MEGF8: variants seen among roughly 807,000 people sequenced by gnomAD.
The protein encoded by MEGF8 is multiple epidermal growth factor-like domains protein 8.
MEGF8 carries 156 observed loss-of-function variants against 302.9 expected under a neutral mutation model. The ratio of observed to expected loss-of-function variants is 0.52; its 90% CI spans 0.45 to 0.59. The LOEUF (loss-of-function observed/expected upper bound fraction) is 0.59, where lower values mean the gene tolerates loss of function less well. MEGF8 is among the 20% of genes least tolerant of loss of function. The pLI, the probability that MEGF8 is intolerant of heterozygous loss-of-function variation, is 0.00. For synonymous variants in MEGF8, 1,621 were observed against 1,660.5 expected, an observed-to-expected ratio of 0.98 and a Z score of 0.58; for missense variants, 3,345 against 3,964.5, an observed-to-expected ratio of 0.84 and a Z score of 4.20.
Position 42,368,360 on chromosome 19 carries a change from GGGTGTGGTCTGGGAAGATA to G in MEGF8, c.6274-94_6274-76del. The G allele has an allele frequency of 1.8e-6, 2 of 1,110,384 alleles. No individual in the cohort carries two copies. Among genetic ancestry groups the G allele is most frequent in the Non-Finnish European group, 2.5e-6 (2 of 784,886 alleles). The allele number at this position is 1,110,384 out of a possible 1,614,324, so 68.8% of individuals were successfully genotyped here. ...CCAGGGAGGGGTGAGACCTCAAAGAGGGTGTGGTCTGGGAAGATACCCAGAATGTGTTTGTTTAAGCTTA... is the reference window on the plus strand; with the variant it reads ...CCAGGGAGGGGTGAGACCTCAAAGAGCCCAGAATGTGTTTGTTTAAGCTTA... On this transcript the variant is annotated intron_variant, in intron 35 of 41. Transcript: ENST00000251268. This position sits in a 1 kb window ranked among gnomAD's most constrained non-coding sequence, Gnocchi z 4.9.
rs535691076 is a variant in MEGF8, at chr19:42,350,114, C to T, written c.2500-34C>T. 3 of 1,562,550 alleles carry T rather than the reference C, an allele frequency of 1.9e-6. No individual in the cohort carries two copies. In the East Asian group the frequency reaches 6.8e-5, roughly 35 times the overall value. ...CCAGACTCTGACCCCTGCCCCAGACCTTGACTGCTGCCTTCCTGTGACCCC... is the reference window on the plus strand; with the variant it reads ...CCAGACTCTGACCCCTGCCCCAGACTTTGACTGCTGCCTTCCTGTGACCCC... On this transcript the variant is annotated intron_variant, in intron 14 of 41. Coordinates refer to ENST00000251268, the MANE Select transcript of MEGF8 (RefSeq NM_001271938.2).
At chr19:42,333,140 C>G (rs1044214518) in intron 1 of MEGF8, among the ~76,000 whole-genome samples, 4 of 152,202 alleles carry the variant, frequency 2.6e-5, no homozygotes, top group Non-Finnish European at 5.9e-5. Context: ...TCTTGCAGCT[C>G]TATTCAGCGT....
rs2039469311 is a variant in MEGF8, at chr19:42,357,492, C to T, written c.4919C>T (p.Ser1640Phe). ...GLSLLLVGGY[S>F]PENGFNQQLL... ...TCTCTGCTCCTGGTGGGCGGTTACT[C>T]CCCGGAAAATGGCTTCAACCAGCAG... The change falls in exon 28 of 42, where the codon TCC becomes TTC. Residue 1640 changes from serine to phenylalanine, a missense_variant. Coordinates refer to ENST00000251268, the MANE Select transcript of MEGF8 (RefSeq NM_001271938.2). This position sits in a 1 kb window ranked among gnomAD's most constrained non-coding sequence, Gnocchi z 5.2. 1.2e-6 allele frequency: 2 copies of T among 1,613,694 alleles called. No homozygotes were observed. Among genetic ancestry groups the T allele is most frequent in the Non-Finnish European group, 1.7e-6 (2 of 1,179,824 alleles).
In MEGF8 at chr19:42,352,592, C is replaced by CACACTA. The variant is rs2039392553; in HGVS notation, c.3350+137_3350+142dup. 7 of 1,136,272 alleles carry CACACTA rather than the reference C, an allele frequency of 6.2e-6. No homozygotes were observed. The highest frequency in any genetic ancestry group is 7.3e-6 in the Non-Finnish European group (6 of 818,272). 70.4% of individuals were successfully genotyped at this position (1,136,272 alleles called of 1,614,324 possible). On this transcript the variant is annotated intron_variant, in intron 19 of 41. Coordinates refer to ENST00000251268, the MANE Select transcript of MEGF8 (RefSeq NM_001271938.2). The surrounding 1 kb of genome is among the most constrained non-coding windows in gnomAD (Gnocchi z 4.4). ...CAGTTAGCCAGGGGTTTTTACCTTG[C>CACACTA]ACACTAGGTCCTTATTAGAGTGACA...
chr19:42,350,459 C>A, intron 15 of MEGF8, 75 bp downstream of exon 15: 1 of 1,336,536 alleles, frequency 7.5e-7, no homozygotes, highest in Non-Finnish European at 9.9e-7. Flanking sequence ...AAGGGAACCC[C>A]TGGTGGGGGG....
Position 42,343,492 on chromosome 19 carries a change from C to G in MEGF8, c.1529C>G (p.Pro510Arg). 6.2e-7 allele frequency: 1 copy of G among 1,604,234 alleles called. No homozygotes were observed. Among genetic ancestry groups the G allele is most frequent in the Non-Finnish European group, 8.5e-7 (1 of 1,172,460 alleles). ...ATTCCCCTAGGCCGAGCAGCGCCTC[C>G]CAGTGGTCGGTACTCACATGTAGCT... ...PGTPEGRAAP[P>R]SGRYSHVAAV... Residue 510 changes from proline to arginine, a missense_variant, in exon 9 of 42, where the codon CCC becomes CGC. Coordinates refer to ENST00000251268, the MANE Select transcript of MEGF8 (RefSeq NM_001271938.2).
intron 13 of MEGF8, among the ~76,000 whole-genome samples, chr19:42,348,929 G>C (rs937232154): frequency 2.0e-5 from 3 of 152,132 alleles, no homozygotes; most frequent in African/African-American, 7.2e-5. Context: ...GAGGAGGGAG[G>C]GTGCTGAGGT....
rs2039636626 is a variant in MEGF8 at position 42,368,384 on chromosome 19, G to A, written c.6274-71G>A. 4.4e-6 allele frequency: 6 copies of A among 1,350,334 alleles called. No individual in the cohort carries two copies. Among genetic ancestry groups the A allele is most frequent in the South Asian group, 2.8e-5 (2 of 70,706 alleles). 83.6% of individuals were successfully genotyped at this position (1,350,334 alleles called of 1,614,324 possible). On this transcript the variant is annotated intron_variant, in intron 35 of 41. Transcript: ENST00000251268. The surrounding 1 kb of genome is among the most constrained non-coding windows in gnomAD (Gnocchi z 4.9). ...AGGGTGTGGTCTGGGAAGATACCCA[G>A]AATGTGTTTGTTTAAGCTTATTTCC...
chr19:42,358,248 T>A lies in MEGF8; in HGVS notation c.5116T>A (p.Tyr1706Asn), dbSNP rs776927604. 1.2e-6 allele frequency: 2 copies of A among 1,605,524 alleles called. No individual in the cohort carries two copies. Among genetic ancestry groups the A allele is most frequent in the Non-Finnish European group, 1.7e-6 (2 of 1,176,476 alleles). The change falls in exon 29 of 42, where the codon TAC becomes AAC. Residue 1706 changes from tyrosine to asparagine, a missense_variant. Coordinates refer to ENST00000251268, the MANE Select transcript of MEGF8 (RefSeq NM_001271938.2). The surrounding 1 kb of genome is among the most constrained non-coding windows in gnomAD (Gnocchi z 4.4). Reference protein sequence around the residue: ...VELAAPSPELYSLHCPDRTWS... With the variant: ...VELAAPSPELNSLHCPDRTWS... ...GCTGGCGGCCCCATCCCCCGAGCTC[T>A]ACTCCCTGCACTGTCCTGACCGCAC...
rs1171696797 is a variant in MEGF8 at position 42,358,527 on chromosome 19, C to A, written c.5175+220C>A. The stretch of plus-strand genomic sequence containing the variant: ...GAGGCATGAGTTCTGCCCAGCTCTC[C>A]CCTGAGTCTTGGTGCGGCCCTGGCA... On this transcript the variant is annotated intron_variant, in intron 29 of 41. Coordinates refer to ENST00000251268, the MANE Select transcript of MEGF8 (RefSeq NM_001271938.2). The surrounding 1 kb of genome is among the most constrained non-coding windows in gnomAD (Gnocchi z 4.4). 1.3e-5 allele frequency among the ~76,000 whole-genome samples: 2 copies of A among 152,182 alleles called. No homozygotes were observed. The highest frequency in any genetic ancestry group is 2.9e-5 in the Non-Finnish European group (2 of 68,028).
Position 42,360,999 on chromosome 19 carries a change from G to T in MEGF8, c.5713G>T (p.Ala1905Ser). Residue 1905 changes from alanine to serine, a missense_variant, in exon 32 of 42, where the codon GCC (alanine) becomes TCC (serine). Physicochemically the swap from Ala to Ser is moderately conservative, Grantham distance 99. Coordinates refer to ENST00000251268, the MANE Select transcript of MEGF8 (RefSeq NM_001271938.2). ...TGGGGCCTGCTTGTCCGGGGATCAG[G>T]CCCACAGGTAACCATGGCGACCATG... ...CHGACLSGDQ[A>S]HRLGCGGSPC... 6.5e-7 allele frequency: 1 copy of T among 1,548,138 alleles called. No homozygotes were observed. The highest frequency in any genetic ancestry group is 8.7e-7 in the Non-Finnish European group (1 of 1,146,370).
chr19:42,346,603 G>T (rs1250297753), intron 12 of MEGF8, among the ~76,000 whole-genome samples: 1 of 151,990 alleles, frequency 6.6e-6, no homozygotes, highest in Non-Finnish European at 1.5e-5. Context: ...CTTGAGCCTG[G>T]GAGGCAGAGG....
chr19:42,376,728 C>A lies in MEGF8; in HGVS notation c.8491C>A (p.Arg2831=). ...CAGTGGGCATGGGACTGGTGCGGGC[C>A]GGAAGGGACTGTTGAGCCAGGACAA... is the stretch of plus-strand genomic sequence containing the variant. ...GGSGHGTGAG[R]KGLLSQDNLT... The change falls in exon 42 of 42, where the codon CGG becomes AGG. Residue 2831 remains arginine, a synonymous_variant. Coordinates refer to ENST00000251268, the MANE Select transcript of MEGF8 (RefSeq NM_001271938.2). This position sits in a 1 kb window ranked among gnomAD's most constrained non-coding sequence, Gnocchi z 8.2. 1 of 1,481,652 alleles carries A rather than the reference C, an allele frequency of 6.7e-7. No homozygotes were observed. 91.8% of individuals were successfully genotyped at this position (1,481,652 alleles called of 1,614,324 possible).
At chr19:42,328,663 C>T (rs991526290) in intron 1 of MEGF8, among the ~76,000 whole-genome samples, 27 of 151,586 alleles carry the variant, frequency 1.8e-4, no homozygotes, top group African/African-American at 6.1e-4. Flanking sequence ...AGGCCAGGTG[C>T]GGTGGCTCAC....
In MEGF8 at chr19:42,350,346, C is replaced by A. The variant is rs762059116; in HGVS notation, c.2698C>A (p.Leu900Ile). 2.0e-5 allele frequency: 32 copies of A among 1,601,002 alleles called. No individual in the cohort carries two copies. Among genetic ancestry groups the A allele is most frequent in the Non-Finnish European group, 2.7e-5 (32 of 1,176,058 alleles). ...LLVLVPTLCP[L>I]CEEHRDCHAC... ...GGTGCTGGTGCCTACCCTCTGCCCA[C>A]TCTGCGAGGAGCATCGGGACTGCCA... Residue 900 changes from leucine (L) to isoleucine (I), a missense_variant, in exon 15 of 42, where the codon CTC becomes ATC. By Grantham distance (5) the Leu-to-Ile change is conservative (BLOSUM62 2). Transcript: ENST00000251268.
chr19:42,340,520 T>C (rs1181570875), intron 8 of MEGF8, among the ~76,000 whole-genome samples: 4 of 151,764 alleles, frequency 2.6e-5, no homozygotes, highest in Non-Finnish European at 5.9e-5. Flanking sequence ...TGAGCCACCG[T>C]GCCTGGCCTA....
Position 42,376,659 on chromosome 19 carries a change from C to T in MEGF8, c.8422C>T (p.His2808Tyr), listed in dbSNP as rs748426418. The change falls in exon 42 of 42, where the codon CAC becomes TAC. Residue 2808 changes from histidine (H) to tyrosine (Y), a missense_variant. By Grantham distance (83) the His-to-Tyr change is moderately conservative. Transcript: ENST00000251268. This position sits in a 1 kb window ranked among gnomAD's most constrained non-coding sequence, Gnocchi z 8.2. ...GGGGTCAGCCCTCGTCACACTGCGG[C>T]ACAGGCTGCACGAGTACTGTGGGGG... ...CLGSALVTLR[H>Y]RLHEYCGGGG... 1.2e-5 allele frequency: 19 copies of T among 1,535,886 alleles called. No homozygotes were observed. The African/African-American group carries it at 2.5e-4, about 20-fold the overall frequency.
intron 8 of MEGF8, among the ~76,000 whole-genome samples, chr19:42,340,638 G>A (rs1360195373): frequency 3.3e-5 from 5 of 152,044 alleles, no homozygotes; most frequent in Non-Finnish European, 5.9e-5. Flanking sequence ...CACCGTGCCC[G>A]GCCAGGCATT....
In MEGF8 at chr19:42,358,234, C is replaced by T; in HGVS notation, c.5102C>T (p.Pro1701Leu). Reference protein sequence around the residue: ...GFRFHVELAAPSPELYSLHCP... With the variant: ...GFRFHVELAALSPELYSLHCP... ...CGATTCCATGTGGAGCTGGCGGCCC[C>T]ATCCCCCGAGCTCTACTCCCTGCAC... The change falls in exon 29 of 42, where the codon CCA becomes CTA. Residue 1701 changes from proline to leucine, a missense_variant. Physicochemically the swap from Pro to Leu is moderately conservative, Grantham distance 98 (BLOSUM62 -3). Transcript: ENST00000251268. This position sits in a 1 kb window ranked among gnomAD's most constrained non-coding sequence, Gnocchi z 4.4. The T allele has an allele frequency of 6.2e-7, 1 of 1,604,656 alleles. No individual in the cohort carries two copies. The highest frequency in any genetic ancestry group is 8.5e-7 in the Non-Finnish European group (1 of 1,176,110).
Sources: gnomAD v4.1 joint callset for allele counts (sites outside exome capture counted in the v4.1 genomes callset) on GRCh38, gnomAD v4.1.1 for gene constraint, Gnocchi (gnomAD v3.1) non-coding constraint, MANE v1.5 for transcripts, NCBI Gene and HGNC (gene_info 2026-07-23, HGNC 2026-07-21) for gene names.